LOC400499: variants seen among roughly 807,000 people sequenced by gnomAD.
the LOC400499 span, among the ~76,000 whole-genome samples, chr16:11,499,462 G>A: frequency 1.3e-5 from 2 of 152,084 alleles, no homozygotes; most frequent in South Asian, 2.1e-4. Flanking sequence ...GCTAGGCTGT[G>A]AACTGTGGGT....
At chr16:11,383,314 AC>A in the LOC400499 span, among the ~76,000 whole-genome samples, 4 of 152,006 alleles carry the variant, frequency 2.6e-5, no homozygotes, top group African/African-American at 9.7e-5. Context: ...TGATGCACCC[AC>A]CTCAGCCTCC....
At chr16:11,374,853 T>C in the LOC400499 span, among the ~76,000 whole-genome samples, 2 of 152,114 alleles carry the variant, frequency 1.3e-5, no homozygotes, top group African/African-American at 4.8e-5. Context: ...GATTGTATGG[T>C]AACTCTTTGT....
the LOC400499 span, among the ~76,000 whole-genome samples, chr16:11,445,421 CAA>C: frequency 2.9e-5 from 4 of 136,090 alleles, no homozygotes; most frequent in Admixed American, 7.4e-5. Flanking sequence ...ACTCTTTCTC[CAA>C]AAAAAAAAAA....
the LOC400499 span, chr16:11,514,602 G>T: frequency 5.0e-6 from 2 of 399,502 alleles, no homozygotes; most frequent in South Asian, 1.3e-4. Context: ...GGACCCAGCT[G>T]GGACCAAGGG....
the LOC400499 span, chr16:11,477,747 C>G: frequency 2.8e-3 from 1,097 of 397,764 alleles, 4 homozygotes; most frequent in Non-Finnish European, 2.3e-3. Context: ...ACGGATGTCA[C>G]CCAGGCCTCT....
At chr16:11,385,654 G>A in the LOC400499 span, among the ~76,000 whole-genome samples, 2 of 152,350 alleles carry the variant, frequency 1.3e-5, no homozygotes, top group African/African-American at 4.8e-5. Flanking sequence ...GGAGTCCTGA[G>A]ACCTGCTACA....
At chr16:11,491,844 C>A in the LOC400499 span, 1 of 398,964 alleles carries the variant, frequency 2.5e-6, no homozygotes, top group Non-Finnish European at 4.4e-6. Context: ...GAGCACCGAT[C>A]TCTGGCTTGG....
chr16:11,390,989 C>G, the LOC400499 span, among the ~76,000 whole-genome samples: 4 of 151,778 alleles, frequency 2.6e-5, no homozygotes, highest in Non-Finnish European at 5.9e-5. Flanking sequence ...GCCCCAGCCC[C>G]CTTCCCTGTG....
the LOC400499 span, chr16:11,472,738 T>C: frequency 6.6e-6 from 1 of 152,222 alleles, no homozygotes; most frequent in Non-Finnish European, 1.5e-5. Flanking sequence ...TCCTGCCTCA[T>C]GGCGTAGCTG....
At chr16:11,396,882 C>A in the LOC400499 span, among the ~76,000 whole-genome samples, 1 of 152,198 alleles carries the variant, frequency 6.6e-6, no homozygotes, top group Non-Finnish European at 1.5e-5. Flanking sequence ...GCTTTGTTGT[C>A]CCAACCTCAC....
the LOC400499 span, among the ~76,000 whole-genome samples, chr16:11,485,680 A>G: frequency 6.6e-6 from 1 of 151,784 alleles, no homozygotes; most frequent in Non-Finnish European, 1.5e-5. Context: ...ATTCCTATCC[A>G]TCCATCTGCT....
At chr16:11,478,995 G>A in the LOC400499 span, among the ~76,000 whole-genome samples, 2 of 152,304 alleles carry the variant, frequency 1.3e-5, no homozygotes, top group South Asian at 4.1e-4. Context: ...TGATTTTGAA[G>A]CCTCCCCAGT....
the LOC400499 span, among the ~76,000 whole-genome samples, chr16:11,501,874 C>G: frequency 6.6e-6 from 1 of 152,158 alleles, no homozygotes; most frequent in Non-Finnish European, 1.5e-5. Context: ...GAGCTTGGAC[C>G]CCGTGGGAAC....
chr16:11,416,790 T>A, the LOC400499 span, among the ~76,000 whole-genome samples: 1 of 151,998 alleles, frequency 6.6e-6, no homozygotes, highest in Admixed American at 6.5e-5. Flanking sequence ...GGCAGCAGGA[T>A]CAGCCCGTGC....
the LOC400499 span, chr16:11,522,233 T>A: frequency 5.0e-6 from 2 of 397,796 alleles, no homozygotes; most frequent in Non-Finnish European, 8.9e-6. Context: ...CTGAGCTGCC[T>A]GTCCCCAGCT....
the LOC400499 span, among the ~76,000 whole-genome samples, chr16:11,511,769 G>A: frequency 6.6e-6 from 1 of 152,244 alleles, no homozygotes. Context: ...GTTCACACCT[G>A]TAATCCCAGC....
the LOC400499 span, chr16:11,484,926 C>G: frequency 3.6e-4 from 145 of 399,520 alleles, no homozygotes; most frequent in East Asian, 5.1e-3. Context: ...CCTGGACACT[C>G]GGGGCTGGCT....
At chr16:11,402,620 A>G in the LOC400499 span, among the ~76,000 whole-genome samples, 1 of 152,112 alleles carries the variant, frequency 6.6e-6, no homozygotes, top group African/African-American at 2.4e-5. Flanking sequence ...GCCTGCTTTC[A>G]GCTCAGGATG....
the LOC400499 span, among the ~76,000 whole-genome samples, chr16:11,439,944 T>G: frequency 9.2e-3 from 1,400 of 152,132 alleles, 31 homozygotes; most frequent in African/African-American, 0.032. Context: ...CAGCAGTGCT[T>G]TGCTGGGTTG....
Sources: gnomAD v4.1 joint callset for allele counts (sites outside exome capture counted in the v4.1 genomes callset) on GRCh38, gnomAD v4.1.1 for gene constraint, MANE v1.5 for transcripts.